The following SNTG1 variants were observed in gnomAD, a reference collection of about 807,000 sequenced individuals.
SNTG1 encodes gamma-1-syntrophin.
SNTG1 carries 39 observed loss-of-function variants against 74.7 expected under a neutral mutation model. The ratio of observed to expected loss-of-function variants is 0.52; its 90% CI spans 0.40 to 0.68. The LOEUF is 0.68. Ranked by LOEUF, SNTG1 falls within the 30% of genes least tolerant of loss-of-function variation. The pLI is 0.00. For synonymous variants in SNTG1, 254 were observed against 217.1 expected, an observed-to-expected ratio of 1.17 and a Z score of -1.49; for missense variants, 685 against 609.5, an observed-to-expected ratio of 1.12 and a Z score of -1.30.
chr8:50,703,815 C>G (rs1245197384), intron 15 of SNTG1, among the ~76,000 whole-genome samples: 6 of 152,098 alleles, frequency 3.9e-5, no homozygotes, highest in African/African-American at 1.4e-4. Context: ...AATTTTTCAG[C>G]TCCCTTATAA....
At position 49,921,303 on chromosome 8, in the gene SNTG1, A is replaced by G. The variant is rs373076491; in HGVS notation, c.-103+9072A>G. On this transcript the variant is annotated intron_variant, in intron 1 of 18. Transcript: ENST00000642720. ...TGCATGGAGTTCTAACAAACATACC[A>G]TGGTTAACAGTGTTGATACTGCACA... is the stretch of plus-strand genomic sequence containing the variant. Among the ~76,000 whole-genome samples the G allele has an allele frequency of 1.2e-4, 18 of 152,222 alleles. No homozygotes were observed. In the East Asian group the frequency reaches 2.5e-3, roughly 21 times the overall value.
chr8:50,315,958 AG>A (rs1274112734), intron 2 of SNTG1, among the ~76,000 whole-genome samples: 1 of 152,206 alleles, frequency 6.6e-6, no homozygotes. Context: ...CACTCAAAAA[AG>A]AAAAATCTCT....
chr8:50,780,065 G>A (rs2095654175), intron 18 of SNTG1, among the ~76,000 whole-genome samples: 1 of 152,168 alleles, frequency 6.6e-6, no homozygotes, highest in Admixed American at 6.5e-5. Context: ...ACTTGATCAT[G>A]GTGGATAAGC....
chr8:50,584,476 T>C (rs1360457440), intron 12 of SNTG1, among the ~76,000 whole-genome samples: 1 of 151,604 alleles, frequency 6.6e-6, no homozygotes, highest in African/African-American at 2.4e-5. Context: ...TGTGAGATGG[T>C]ATCTCATTGT....
intron 1 of SNTG1, among the ~76,000 whole-genome samples, chr8:50,102,664 G>GT (rs1231494657): frequency 6.7e-6 from 1 of 149,480 alleles, no homozygotes; most frequent in Admixed American, 6.6e-5. Context: ...TAATGCCTAG[G>GT]TTTTTTTCTA....
chr8:50,455,585 AT>A (rs2093497492), intron 8 of SNTG1, among the ~76,000 whole-genome samples: 1 of 152,324 alleles, frequency 6.6e-6, no homozygotes, highest in East Asian at 1.9e-4. Context: ...GGCTAATAGC[AT>A]TTTGCTTGTT....
intron 1 of SNTG1, among the ~76,000 whole-genome samples, chr8:49,994,633 C>T (rs546360673): frequency 1.3e-3 from 197 of 151,886 alleles, no homozygotes; most frequent in African/African-American, 4.2e-3. Context: ...CCAAGAAATA[C>T]GGATTCATGG....
At chr8:50,371,403 C>T (rs1036431603) in intron 2 of SNTG1, among the ~76,000 whole-genome samples, 18 of 152,182 alleles carry the variant, frequency 1.2e-4, no homozygotes, top group Non-Finnish European at 2.9e-5. Context: ...TTCCAGCTAC[C>T]ATGGCTTCTC....
intron 16 of SNTG1, among the ~76,000 whole-genome samples, 162 bp downstream of exon 16, chr8:50,704,914 C>G (rs926811773): frequency 2.0e-5 from 3 of 152,144 alleles, no homozygotes; most frequent in Admixed American, 6.5e-5. Context: ...ACTAGTAATA[C>G]AGCTCTGAAT....
At chr8:50,255,543 G>A (rs1437181044) in intron 2 of SNTG1, among the ~76,000 whole-genome samples, 1 of 152,136 alleles carries the variant, frequency 6.6e-6, no homozygotes, top group African/African-American at 2.4e-5. Context: ...TGAGACTTGT[G>A]AGCAAGAATC....
intron 8 of SNTG1, among the ~76,000 whole-genome samples, chr8:50,476,342 C>A (rs1181310622): frequency 2.0e-5 from 3 of 152,076 alleles, no homozygotes; most frequent in Admixed American, 6.6e-5. Flanking sequence ...CAGGAATTAC[C>A]TGAGTGTCTT....
In SNTG1 at chr8:50,044,417, G is replaced by A. The variant is rs187569792; in HGVS notation, c.-102-128144G>A. On this transcript the variant is annotated intron_variant, in intron 1 of 18. Transcript: ENST00000642720. ...TTTCTTTTGGGCCAAAATTAAACCGGATTTCAAAAGCACATTAAAATAACA... is the reference window on the plus strand; with the variant it reads ...TTTCTTTTGGGCCAAAATTAAACCGAATTTCAAAAGCACATTAAAATAACA... Among the ~76,000 whole-genome samples the A allele has an allele frequency of 3.4e-4, 52 of 152,240 alleles. No individual in the cohort carries two copies. The East Asian group carries it at 6.0e-3, about 18-fold the overall frequency.
intron 1 of SNTG1, among the ~76,000 whole-genome samples, chr8:50,003,494 T>G (rs1814934577): frequency 6.6e-6 from 1 of 152,140 alleles, no homozygotes; most frequent in South Asian, 2.1e-4. Context: ...CTACTTTATT[T>G]AATTTAAAAG....
At chr8:50,287,918 A>T (rs891604775) in intron 2 of SNTG1, among the ~76,000 whole-genome samples, 1 of 152,074 alleles carries the variant, frequency 6.6e-6, no homozygotes, top group Non-Finnish European at 1.5e-5. Flanking sequence ...CATCCAGCTC[A>T]TCATATTGTG....
intron 9 of SNTG1, among the ~76,000 whole-genome samples, chr8:50,526,292 G>C (rs1205351250): frequency 6.6e-6 from 1 of 152,126 alleles, no homozygotes; most frequent in African/African-American, 2.4e-5. Context: ...TATTGGATGA[G>C]TGTTTTTTGC....
intron 1 of SNTG1, among the ~76,000 whole-genome samples, chr8:49,969,920 G>C (rs1221772140): frequency 1.3e-4 from 3 of 22,250 alleles, no homozygotes; most frequent in Admixed American, 7.2e-4. Flanking sequence ...TAAAAAACCT[G>C]TGTGTGTGTG....
intron 12 of SNTG1, among the ~76,000 whole-genome samples, chr8:50,575,086 A>G (rs991067537): frequency 2.0e-5 from 3 of 152,178 alleles, no homozygotes; most frequent in African/African-American, 7.2e-5. Context: ...CACTCTGTGC[A>G]CTAGGTACTG....
intron 12 of SNTG1, among the ~76,000 whole-genome samples, chr8:50,567,033 G>T (rs1351063712): frequency 6.6e-6 from 1 of 152,022 alleles, no homozygotes; most frequent in Non-Finnish European, 1.5e-5. Flanking sequence ...TTTGTTTATT[G>T]TATAAGAGTT....
chr8:50,728,612 A>G (rs1563786955), intron 17 of SNTG1, among the ~76,000 whole-genome samples: 1 of 152,182 alleles, frequency 6.6e-6, no homozygotes, highest in Non-Finnish European at 1.5e-5. Flanking sequence ...GACAGATTGA[A>G]CATTCAGCTG....
Sources: allele counts gnomAD v4.1 joint callset (sites outside exome capture counted in the v4.1 genomes callset), GRCh38; gene constraint gnomAD v4.1.1; transcripts MANE v1.5; gene names NCBI Gene and HGNC (gene_info 2026-07-23, HGNC 2026-07-21).